Variants in PRKCE observed in about 807,000 individuals in gnomAD.
The protein encoded by PRKCE is protein kinase C epsilon, also known as protein kinase C epsilon type.
Under a neutral mutation model 85.4 loss-of-function variants are expected in PRKCE, and 16 were observed. That is an observed-to-expected ratio of 0.19 (90% CI 0.13 to 0.28). PRKCE has a LOEUF of 0.28. Among genes scored for constraint, PRKCE ranks in the 10% least tolerant of loss-of-function variants. The pLI is 1.00. For missense variants in PRKCE, 573 were observed against 975.2 expected (o/e 0.59, Z 5.49); for synonymous variants, 388 against 371.5 (o/e 1.04, Z -0.51).
chr2:46,030,503 A>ATGTGGC (rs1411233706), intron 10 of PRKCE, among the ~76,000 whole-genome samples: 1 of 152,136 alleles, frequency 6.6e-6, no homozygotes, highest in East Asian at 1.9e-4. Context: ...CATGAAAATC[A>ATGTGGC]TGTGGCTGTT....
At chr2:46,044,596 A>C (rs1161690743) in intron 10 of PRKCE, among the ~76,000 whole-genome samples, 3 of 152,202 alleles carry the variant, frequency 2.0e-5, no homozygotes, top group African/African-American at 4.8e-5. Context: ...TGCTGTTATT[A>C]AATTTAGGAT....
rs572645049 is a variant in PRKCE, at chr2:45,866,432, C to T, written c.412+23369C>T. Reference sequence around the variant, plus strand: ...ATGCCATTCTCCTGCCTCAGCCTCCCGAGTAGCTGGGACTACAGGCGCCGG... The same window carrying T: ...ATGCCATTCTCCTGCCTCAGCCTCCTGAGTAGCTGGGACTACAGGCGCCGG... On this transcript the variant is annotated intron_variant, in intron 2 of 14. Coordinates refer to ENST00000306156, the MANE Select transcript of PRKCE (RefSeq NM_005400.3). Among the ~76,000 whole-genome samples, 244 of 152,286 alleles carry T rather than the reference C, an allele frequency of 1.6e-3. 1 individual carries two copies. The highest frequency in any genetic ancestry group is 3.7e-3 in the Admixed American group (57 of 15,298).
intron 10 of PRKCE, among the ~76,000 whole-genome samples, chr2:46,014,128 C>G (rs1421955342): frequency 6.6e-6 from 1 of 152,154 alleles, no homozygotes; most frequent in Non-Finnish European, 1.5e-5. Context: ...TAAAATGGCT[C>G]CAGCTTTCCA....
intron 3 of PRKCE, among the ~76,000 whole-genome samples, chr2:45,977,243 C>G (rs1196524126): frequency 6.6e-6 from 1 of 152,026 alleles, no homozygotes; most frequent in Non-Finnish European, 1.5e-5. Flanking sequence ...AGACACACCT[C>G]AGGGTGAGGA....
At chr2:46,106,736 C>A (rs1351039765) in intron 11 of PRKCE, among the ~76,000 whole-genome samples, 3 of 152,202 alleles carry the variant, frequency 2.0e-5, no homozygotes, top group Non-Finnish European at 4.4e-5. Context: ...GGAGTAGGAC[C>A]ATCCTGCTGG....
rs544574004 is a variant in PRKCE, at chr2:45,769,364, A to G, written c.349-73636A>G. 1.3e-4 allele frequency among the ~76,000 whole-genome samples: 20 copies of G among 152,122 alleles called. No individual in the cohort carries two copies. In the South Asian group the frequency reaches 4.2e-3, roughly 32 times the overall value. ...TTTGTTAGGTGTTAGGGCTTCAGTC[A>G]TGCTGCCTCCCTTTGGCAGGGCTGG... is the stretch of plus-strand genomic sequence containing the variant. On this transcript the variant is annotated intron_variant, in intron 1 of 14. Coordinates refer to ENST00000306156, the MANE Select transcript of PRKCE (RefSeq NM_005400.3).
intron 2 of PRKCE, among the ~76,000 whole-genome samples, chr2:45,973,080 A>G (rs58985797): frequency 0.015 from 2,337 of 152,348 alleles, 52 homozygotes; most frequent in African/African-American, 0.052. Flanking sequence ...AACAAAATAG[A>G]GAGCCCAGAA....
At chr2:45,850,158 G>A (rs1558749364) in intron 2 of PRKCE, among the ~76,000 whole-genome samples, 1 of 152,222 alleles carries the variant, frequency 6.6e-6, no homozygotes, top group Non-Finnish European at 1.5e-5. Context: ...TGAGTGTTTG[G>A]AGAGCAGAGC....
chr2:45,870,747 ACTT>A (rs1258166842), intron 2 of PRKCE, among the ~76,000 whole-genome samples: 4 of 152,158 alleles, frequency 2.6e-5, no homozygotes, highest in Non-Finnish European at 4.4e-5. Context: ...TCTTGGGCAG[ACTT>A]CTTTAATGGT....
At chr2:46,058,173 C>T (rs1416436998) in intron 10 of PRKCE, among the ~76,000 whole-genome samples, 1 of 152,222 alleles carries the variant, frequency 6.6e-6, no homozygotes, top group East Asian at 1.9e-4. Context: ...CATAGGTGCA[C>T]ACAGACGTTA....
At chr2:45,869,960 C>T (rs1279431555) in intron 2 of PRKCE, among the ~76,000 whole-genome samples, 1 of 152,120 alleles carries the variant, frequency 6.6e-6, no homozygotes, top group East Asian at 1.9e-4. Context: ...TCCACCTCGG[C>T]CTCCCAAAGT....
At chr2:45,977,403 G>C (rs141064552) in intron 3 of PRKCE, among the ~76,000 whole-genome samples, 2 of 152,064 alleles carry the variant, frequency 1.3e-5, no homozygotes, top group African/African-American at 4.8e-5. Context: ...TTGGGAGGCC[G>C]AGGCACGCAG....
intron 1 of PRKCE, among the ~76,000 whole-genome samples, chr2:45,720,351 T>G (rs1573058642): frequency 6.6e-6 from 1 of 152,010 alleles, no homozygotes; most frequent in Admixed American, 6.6e-5. Flanking sequence ...GCGGTAGGGG[T>G]GCCTGGCATT....
chr2:46,122,881 G>GTT (rs1244942634), intron 11 of PRKCE, among the ~76,000 whole-genome samples: 2,575 of 117,086 alleles, frequency 0.022, 114 homozygotes, highest in African/African-American at 0.072. Context: ...AACAGTCTGG[G>GTT]TTTTTTTTTT....
At chr2:45,871,603 T>C (rs1694093050) in intron 2 of PRKCE, among the ~76,000 whole-genome samples, 1 of 152,208 alleles carries the variant, frequency 6.6e-6, no homozygotes, top group Non-Finnish European at 1.5e-5. Context: ...CTATAGGAGA[T>C]TAAATGGGAT....
At chr2:45,876,468 A>G (rs999637317) in intron 2 of PRKCE, among the ~76,000 whole-genome samples, 15 of 152,350 alleles carry the variant, frequency 9.8e-5, no homozygotes, top group African/African-American at 3.4e-4. Flanking sequence ...ATAGTCTTGC[A>G]ACTTGTGGTC....
rs60644032 is a variant in PRKCE at position 45,898,085 on chromosome 2, G to A, written c.412+55022G>A. On this transcript the variant is annotated intron_variant, in intron 2 of 14. Coordinates refer to ENST00000306156, the MANE Select transcript of PRKCE (RefSeq NM_005400.3). The stretch of plus-strand genomic sequence containing the variant: ...CGTGGTTCCCTTTTGCAGGCCCCTC[G>A]TGATAGAGATGACTGGTAATAGTCT... Among the ~76,000 whole-genome samples the A allele has an allele frequency of 9.0e-4, 137 of 152,272 alleles. 1 individual carries two copies. In the East Asian group the frequency reaches 0.021, roughly 24 times the overall value.
intron 1 of PRKCE, among the ~76,000 whole-genome samples, chr2:45,696,273 T>G (rs1160198666): frequency 6.6e-6 from 1 of 152,074 alleles, no homozygotes; most frequent in Non-Finnish European, 1.5e-5. Context: ...CTTTTTTAAA[T>G]TATAAAAAAA....
At chr2:45,685,906 T>TAGAA (rs1677262162) in intron 1 of PRKCE, among the ~76,000 whole-genome samples, 1 of 152,218 alleles carries the variant, frequency 6.6e-6, no homozygotes, top group African/African-American at 2.4e-5. Context: ...TATCCACGGA[T>TAGAA]AGAACCCTGA....
Sources: allele counts gnomAD v4.1 joint callset (sites outside exome capture counted in the v4.1 genomes callset), GRCh38; gene constraint gnomAD v4.1.1; transcripts MANE v1.5; gene names NCBI Gene and HGNC (gene_info 2026-07-23, HGNC 2026-07-21).